The following DPF2 variants were observed in gnomAD, a reference collection of about 807,000 sequenced individuals.
The protein encoded by DPF2 is double PHD fingers 2, also known as zinc finger protein ubi-d4.
Under a neutral mutation model 59.6 loss-of-function variants are expected in DPF2, and 10 were observed. That is an observed-to-expected ratio of 0.17 (90% CI 0.10 to 0.28). DPF2 has a LOEUF of 0.28. Among genes scored for constraint, DPF2 ranks in the 10% least tolerant of loss-of-function variants. DPF2 has a pLI of 1.00. For missense variants in DPF2, 315 were observed against 509.4 expected (o/e 0.62, Z 3.67); for synonymous variants, 189 against 190.6 (o/e 0.99, Z 0.07).
chr11:65,349,623 G>A (rs964423007), intron 10 of DPF2, among the ~76,000 whole-genome samples: 1 of 152,032 alleles, frequency 6.6e-6, no homozygotes, highest in African/African-American at 2.4e-5. Flanking sequence ...GTGAAACCCC[G>A]TCTCTACTAA....
intron 1 of DPF2, among the ~76,000 whole-genome samples, chr11:65,337,219 A>G (rs945114664): frequency 9.2e-5 from 14 of 151,686 alleles, no homozygotes; most frequent in African/African-American, 3.4e-4. Flanking sequence ...TGGAAGGCCG[A>G]GGTGGGCGGA....
At position 65,353,775 on chromosome 11, in the gene DPF2, G is replaced by A. The variant is rs1590942285; in HGVS notation, c.*2016G>A. On this transcript the variant is annotated 3_prime_UTR_variant, in exon 11 of 11. Coordinates refer to ENST00000528416, the MANE Select transcript of DPF2 (RefSeq NM_006268.5). ...TGGGAAGCCTAGGCCGGCCTGCACT[G>A]TTATGTTCAATAAATAAGCAGGGTG... is the stretch of plus-strand genomic sequence containing the variant. 6.6e-6 allele frequency among the ~76,000 whole-genome samples: 1 copy of A among 152,182 alleles called. No homozygotes were observed.
intron 1 of DPF2, among the ~76,000 whole-genome samples, chr11:65,338,007 T>G (rs2137686479): frequency 6.6e-6 from 1 of 152,292 alleles, no homozygotes; most frequent in Admixed American, 6.5e-5. Flanking sequence ...TTTCTCCATG[T>G]TGAGGCTGGT....
intron 10 of DPF2, among the ~76,000 whole-genome samples, chr11:65,350,727 G>A (rs543904898): frequency 6.6e-6 from 1 of 151,012 alleles, no homozygotes; most frequent in African/African-American, 2.4e-5. Context: ...GTGCACTGTG[G>A]CTCGCATCTG....
chr11:65,353,575 C>G lies in DPF2; in HGVS notation c.*1816C>G, dbSNP rs947490284. On this transcript the variant is annotated 3_prime_UTR_variant, in exon 11 of 11. Transcript: ENST00000528416. ...GCACGTTGATGTGCACACAGTTTCC[C>G]TGAAGGCAAAGTGAACATGTGGAGA... 2.0e-5 allele frequency among the ~76,000 whole-genome samples: 3 copies of G among 152,182 alleles called. No homozygotes were observed. Among genetic ancestry groups the G allele is most frequent in the African/African-American group, 7.2e-5 (3 of 41,442 alleles).
intron 3 of DPF2, 36 bp downstream of exon 3, chr11:65,341,109 G>C (rs1410967969): frequency 6.2e-6 from 10 of 1,602,194 alleles, no homozygotes; most frequent in Non-Finnish European, 8.5e-6. Context: ...GGCGTGGCCT[G>C]CTGCATGGTG....
At position 65,341,879 on chromosome 11, in the gene DPF2, G is replaced by A. The variant is rs144381715; in HGVS notation, c.465+317G>A. 294 of 190,148 alleles carry A rather than the reference G, an allele frequency of 1.5e-3. 5 individuals carry two copies. In the East Asian group the frequency reaches 0.031, roughly 20 times the overall value. The allele number at this position is 190,148 out of a possible 1,614,324, so 11.8% of individuals were successfully genotyped here. On this transcript the variant is annotated intron_variant, in intron 4 of 10. Transcript: ENST00000528416. ...AATCCCAGCACTTTGGGAGGCCAAGGCAGGAGGATTGCTCAAGTCCAGGAG... is the reference window on the plus strand; with the variant it reads ...AATCCCAGCACTTTGGGAGGCCAAGACAGGAGGATTGCTCAAGTCCAGGAG...
intron 10 of DPF2, among the ~76,000 whole-genome samples, chr11:65,351,465 T>C (rs1191888421): frequency 2.0e-5 from 3 of 152,206 alleles, no homozygotes; most frequent in East Asian, 1.9e-4. Flanking sequence ...CTCTAGATGA[T>C]TATTTCTTTC....
chr11:65,340,370 C>A lies in DPF2; in HGVS notation c.33-15C>A, dbSNP rs1854327967. ...CCGCTCCAACATACACGCCTGATTT[C>A]TATCTTCCCTGCAGCCTTGGGGAGC... On this transcript the variant is annotated splice_polypyrimidine_tract_variant and intron_variant, in intron 1 of 10. Transcript: ENST00000528416. The A allele has an allele frequency of 6.2e-7, 1 of 1,613,238 alleles. No homozygotes were observed. The highest frequency in any genetic ancestry group is 1.3e-5 in the African/African-American group (1 of 74,910).
intron 6 of DPF2, chr11:65,344,575 TTCAGATA>T: frequency 6.5e-7 from 1 of 1,535,906 alleles, no homozygotes; most frequent in Non-Finnish European, 8.7e-7. Flanking sequence ...CTTTCTGTCT[TTCAGATA>T]GTTTCAAACA....
chr11:65,341,253 C>A, intron 3 of DPF2, 146 bp from the exon 4 acceptor site: 1 of 1,299,820 alleles, frequency 7.7e-7, no homozygotes, highest in Non-Finnish European at 1.1e-6. Context: ...AGTTATGGTG[C>A]CAAGTGAACT....
intron 10 of DPF2, 66 bp downstream of exon 10, chr11:65,348,997 T>A (rs765171222): frequency 2.7e-5 from 41 of 1,545,960 alleles, no homozygotes; most frequent in Middle Eastern, 3.4e-4. Context: ...TACTGAGTTC[T>A]ATGTTCTTTA....
At chr11:65,334,942 T>C (rs987950176) in intron 1 of DPF2, among the ~76,000 whole-genome samples, 1 of 152,188 alleles carries the variant, frequency 6.6e-6, no homozygotes, top group South Asian at 2.1e-4. Context: ...TCATCTGTCT[T>C]TGTCGTGGCC....
intron 6 of DPF2, chr11:65,344,769 T>G (rs1490188310): frequency 2.3e-6 from 2 of 858,382 alleles, no homozygotes; most frequent in Admixed American, 2.5e-5. Flanking sequence ...TCTGCTGTGC[T>G]CTACTCCTCA....
intron 5 of DPF2, 65 bp from the exon 6 acceptor site, chr11:65,343,926 C>T: frequency 1.2e-6 from 2 of 1,609,474 alleles, no homozygotes; most frequent in South Asian, 2.2e-5. Context: ...CGGCCACTTC[C>T]AAAAGAGTCT....
intron 1 of DPF2, among the ~76,000 whole-genome samples, chr11:65,334,127 G>T (rs1950064802): frequency 6.6e-6 from 1 of 152,252 alleles, no homozygotes; most frequent in Admixed American, 6.5e-5. Flanking sequence ...GCACACTGGA[G>T]CCCCGACGGG....
intron 4 of DPF2, 71 bp downstream of exon 4, chr11:65,341,633 G>T: frequency 6.3e-7 from 1 of 1,591,040 alleles, no homozygotes; most frequent in Non-Finnish European, 8.6e-7. Flanking sequence ...GGGCCACCTA[G>T]TTTCTAGAAC....
rs117711707 is a variant in DPF2, at chr11:65,343,256, G to A, written c.466-489G>A. ...GGAGGTTGCGGTAAGCCAGTATTGC[G>A]CCATTGCACTCCAGCCTGGGCAACA... On this transcript the variant is annotated intron_variant, in intron 4 of 10. Transcript: ENST00000528416. Among the ~76,000 whole-genome samples, 2,308 of 134,378 alleles carry A rather than the reference G, an allele frequency of 0.017. 114 individuals are homozygous for A. The East Asian group carries it at 0.21, about 12-fold the overall frequency. 88.2% of individuals were successfully genotyped at this position (134,378 alleles called of 152,430 possible). A position where few individuals can be genotyped will look rare whatever the true frequency, so the allele number is the denominator to read the frequency against.
chr11:65,338,714 G>A (rs959944498), intron 1 of DPF2, among the ~76,000 whole-genome samples: 3 of 152,140 alleles, frequency 2.0e-5, no homozygotes, highest in Admixed American at 6.6e-5. Flanking sequence ...TGGCATTGCC[G>A]TCTCTGTGTG....
Sources: gnomAD v4.1 joint callset for allele counts (sites outside exome capture counted in the v4.1 genomes callset) on GRCh38, gnomAD v4.1.1 for gene constraint, MANE v1.5 for transcripts, NCBI Gene and HGNC (gene_info 2026-07-23, HGNC 2026-07-21) for gene names.